RORA: variants seen among roughly 807,000 people sequenced by gnomAD.
RORA encodes nuclear receptor ROR-alpha.
Under a neutral mutation model 69.5 loss-of-function variants are expected in RORA, and 7 were observed. The ratio of observed to expected loss-of-function variants is 0.10; its 90% CI spans 0.06 to 0.19. RORA has a LOEUF of 0.19. RORA is among the 10% of genes least tolerant of loss of function. RORA has a pLI of 1.00. For missense variants in RORA, 457 were observed against 663.0 expected (o/e 0.69, Z 3.41); for synonymous variants, 261 against 240.8 (o/e 1.08, Z -0.78).
At chr15:60,565,642 A>G (rs1453331200) in intron 2 of RORA, among the ~76,000 whole-genome samples, 1 of 152,256 alleles carries the variant, frequency 6.6e-6, no homozygotes, top group Non-Finnish European at 1.5e-5. Context: ...TTCCGAAAGT[A>G]TAACCTAATG....
intron 1 of RORA, among the ~76,000 whole-genome samples, chr15:61,179,084 G>C (rs2079658243): frequency 6.6e-6 from 1 of 152,134 alleles, no homozygotes; most frequent in Non-Finnish European, 1.5e-5. Flanking sequence ...TGGACCCGAG[G>C]ACCTCAGCCC....
intron 1 of RORA, among the ~76,000 whole-genome samples, chr15:61,142,979 T>G (rs2079314695): frequency 6.6e-6 from 1 of 152,082 alleles, no homozygotes; most frequent in African/African-American, 2.4e-5. Flanking sequence ...ACCCTATAAT[T>G]TTACACTTTC....
intron 1 of RORA, among the ~76,000 whole-genome samples, chr15:61,186,635 T>C (rs1218190071): frequency 8.0e-5 from 5 of 62,238 alleles, no homozygotes; most frequent in East Asian, 5.0e-4. Flanking sequence ...TGTGAGACCC[T>C]GACTCAAAAA....
chr15:60,729,783 A>C (rs920116693), intron 1 of RORA, among the ~76,000 whole-genome samples: 1 of 152,212 alleles, frequency 6.6e-6, no homozygotes, highest in African/African-American at 2.4e-5. Flanking sequence ...CTGTGTATTA[A>C]ATCTAAAATA....
intron 1 of RORA, among the ~76,000 whole-genome samples, chr15:60,809,298 A>T (rs2072708621): frequency 6.6e-6 from 1 of 152,236 alleles, no homozygotes; most frequent in African/African-American, 2.4e-5. Flanking sequence ...CAGTGGCCTG[A>T]ACTACAACAA....
chr15:60,882,154 AC>A lies in RORA; in HGVS notation c.167-203469del, dbSNP rs372194071. Among the ~76,000 whole-genome samples the A allele has an allele frequency of 2.3e-3, 353 of 152,248 alleles. 1 individual carries two copies. Among genetic ancestry groups the A allele is most frequent in the African/African-American group, 7.6e-3 (314 of 41,550 alleles). On this transcript the variant is annotated intron_variant, in intron 1 of 10. Transcript: ENST00000335670. ...CCCACTACAAAGCATGCTGGCGAAC[AC>A]CCAAAGTTTTGTTTCGTTGCAACCA...
rs576779370 is a variant in RORA at position 60,531,964 on chromosome 15, T to A, written c.197-113A>T. On this transcript the variant is annotated intron_variant, in intron 2 of 10. Transcript: ENST00000335670. The surrounding 1 kb of genome is among the most constrained non-coding windows in gnomAD (Gnocchi z 4.8). ...ACTAATAACCTGCTAAACATTATACTGCATTAACTATTCATTGCTGAACTG... is the reference window on the plus strand; with the variant it reads ...ACTAATAACCTGCTAAACATTATACAGCATTAACTATTCATTGCTGAACTG... 1 of 606,686 alleles carries A rather than the reference T, an allele frequency of 1.6e-6. No homozygotes were observed. The highest frequency in any genetic ancestry group is 2.9e-6 in the Non-Finnish European group (1 of 350,578). 37.6% of individuals were successfully genotyped at this position (606,686 alleles called of 1,614,324 possible).
chr15:60,698,641 T>A (rs965294430), intron 1 of RORA, among the ~76,000 whole-genome samples: 7 of 151,276 alleles, frequency 4.6e-5, no homozygotes, highest in African/African-American at 1.7e-4. Context: ...TTTTTTTTTT[T>A]TTTTTTGGAA....
intron 1 of RORA, among the ~76,000 whole-genome samples, chr15:60,970,596 T>C (rs982494784): frequency 6.6e-5 from 10 of 152,226 alleles, no homozygotes; most frequent in Admixed American, 6.5e-4. Context: ...AATAGGAACT[T>C]GGTTTGAAAC....
At chr15:61,001,145 C>T (rs955140992) in intron 1 of RORA, among the ~76,000 whole-genome samples, 2 of 152,206 alleles carry the variant, frequency 1.3e-5, no homozygotes, top group Non-Finnish European at 2.9e-5. Context: ...CCTGCTTTGT[C>T]CCATCCCAAG....
intron 3 of RORA, among the ~76,000 whole-genome samples, chr15:60,521,034 C>CTGAAAGACTT (rs1323811673): frequency 1.3e-5 from 2 of 152,020 alleles, no homozygotes; most frequent in East Asian, 1.9e-4. Flanking sequence ...GCCTTTGGTG[C>CTGAAAGACTT]TGAAAGACTT....
chr15:61,094,450 C>T (rs893872806), intron 1 of RORA, among the ~76,000 whole-genome samples: 2 of 152,114 alleles, frequency 1.3e-5, no homozygotes, highest in Non-Finnish European at 2.9e-5. Flanking sequence ...TTTTAAGAGA[C>T]ACCAGTACAG....
intron 1 of RORA, chr15:60,847,742 T>C (rs531584323): frequency 6.6e-6 from 1 of 152,312 alleles, no homozygotes; most frequent in South Asian, 2.1e-4. Context: ...GAAATGATAA[T>C]ACTTTGGATA....
At chr15:60,591,424 C>G (rs2068505665) in intron 2 of RORA, among the ~76,000 whole-genome samples, 1 of 152,212 alleles carries the variant, frequency 6.6e-6, no homozygotes, top group Admixed American at 6.5e-5. Flanking sequence ...TTTAGCTTTC[C>G]CATCAGAAAG....
At chr15:60,608,684 T>C (rs1010681033) in intron 2 of RORA, among the ~76,000 whole-genome samples, 1 of 152,232 alleles carries the variant, frequency 6.6e-6, no homozygotes, top group Non-Finnish European at 1.5e-5. Context: ...TTTTTATTTC[T>C]TCTTCAGAAG....
At chr15:60,863,960 C>A (rs2073459229) in intron 1 of RORA, among the ~76,000 whole-genome samples, 1 of 152,180 alleles carries the variant, frequency 6.6e-6, no homozygotes, top group African/African-American at 2.4e-5. Flanking sequence ...GTGCGTGCCA[C>A]TGTGCCCAGC....
At chr15:61,142,159 A>G (rs564458604) in intron 1 of RORA, among the ~76,000 whole-genome samples, 10 of 145,978 alleles carry the variant, frequency 6.9e-5, no homozygotes, top group Non-Finnish European at 1.5e-4. Flanking sequence ...TTTTTTTTTT[A>G]TTGTTGTTAC....
At chr15:60,751,678 G>C (rs1312697808) in intron 1 of RORA, among the ~76,000 whole-genome samples, 4 of 152,280 alleles carry the variant, frequency 2.6e-5, no homozygotes, top group Admixed American at 2.0e-4. Flanking sequence ...CTGCGGGCCT[G>C]GCTTTCACAG....
At chr15:60,603,793 A>G (rs1482639542) in intron 2 of RORA, among the ~76,000 whole-genome samples, 8 of 152,200 alleles carry the variant, frequency 5.3e-5, no homozygotes, top group Admixed American at 2.6e-4. Flanking sequence ...GCACTTCAGC[A>G]AGCACTGTGC....
Sources: allele counts gnomAD v4.1 joint callset (sites outside exome capture counted in the v4.1 genomes callset), GRCh38; gene constraint gnomAD v4.1.1; non-coding constraint Gnocchi (gnomAD v3.1); transcripts MANE v1.5; gene names NCBI Gene and HGNC (gene_info 2026-07-23, HGNC 2026-07-21).